The following ANKFN1 variants were observed in gnomAD, a reference collection of about 807,000 sequenced individuals.
The protein encoded by ANKFN1 is ankyrin repeat and fibronectin type III domain containing 1, also known as ankyrin repeat and fibronectin type-III domain-containing protein 1.
A neutral mutation model predicts 108.7 loss-of-function variants in ANKFN1; 74 were observed. That is an observed-to-expected ratio of 0.68 (90% CI 0.56 to 0.83). The LOEUF (loss-of-function observed/expected upper bound fraction) is 0.83. Among genes scored for constraint, ANKFN1 ranks in the 40% least tolerant of loss-of-function variants. The pLI is 0.00. For missense variants in ANKFN1, 1,505 were observed against 1,382.3 expected, an observed-to-expected ratio of 1.09 and a Z score of -1.41; for synonymous variants, 547 against 516.2, an observed-to-expected ratio of 1.06 and a Z score of -0.81.
intron 15 of ANKFN1, among the ~76,000 whole-genome samples, chr17:56,468,711 G>A (rs750830238): frequency 6.6e-6 from 1 of 152,100 alleles, no homozygotes; most frequent in Admixed American, 6.6e-5. Context: ...TACTTGCACC[G>A]GCCCAAACCA....
At chr17:56,216,972 G>C (rs1915469729) in intron 2 of ANKFN1, among the ~76,000 whole-genome samples, 1 of 152,196 alleles carries the variant, frequency 6.6e-6, no homozygotes, top group Non-Finnish European at 1.5e-5. Flanking sequence ...TAAAAAGAAA[G>C]AGAAGATGAC....
intron 18 of ANKFN1, among the ~76,000 whole-genome samples, chr17:56,487,464 G>C (rs2145400119): frequency 6.6e-6 from 1 of 152,074 alleles, no homozygotes; most frequent in African/African-American, 2.4e-5. Context: ...CCTATGACAA[G>C]GAAAGTTGGC....
At chr17:56,487,390 G>A (rs1024633151) in intron 18 of ANKFN1, among the ~76,000 whole-genome samples, 2 of 152,118 alleles carry the variant, frequency 1.3e-5, no homozygotes, top group African/African-American at 4.8e-5. Context: ...TTGAGGACTT[G>A]CCTAGCCTGC....
chr17:56,381,717 G>A (rs570923987), intron 8 of ANKFN1, among the ~76,000 whole-genome samples: 19 of 152,260 alleles, frequency 1.2e-4, no homozygotes, highest in East Asian at 1.2e-3. Context: ...GAAATGAAGC[G>A]AGAAGGGAAG....
At chr17:56,187,605 T>C (rs1912345477) in intron 1 of ANKFN1, among the ~76,000 whole-genome samples, 2 of 152,172 alleles carry the variant, frequency 1.3e-5, no homozygotes, top group Non-Finnish European at 2.9e-5. Context: ...CAAATGACTA[T>C]AAATCATGCT....
At chr17:56,238,350 G>C (rs1598287489) in intron 3 of ANKFN1, among the ~76,000 whole-genome samples, 2 of 152,150 alleles carry the variant, frequency 1.3e-5, no homozygotes, top group South Asian at 2.1e-4. Flanking sequence ...TCAATGATCT[G>C]TCCTCAAAAA....
intron 4 of ANKFN1, among the ~76,000 whole-genome samples, chr17:56,062,984 A>G (rs946771730): frequency 1.3e-5 from 2 of 152,158 alleles, no homozygotes; most frequent in African/African-American, 2.4e-5. Context: ...TTCGCTTATG[A>G]AGCTTAGTTT....
chr17:56,175,943 G>T (rs1343276007), intron 1 of ANKFN1, among the ~76,000 whole-genome samples: 1 of 151,754 alleles, frequency 6.6e-6, no homozygotes, highest in Admixed American at 6.6e-5. Flanking sequence ...GGGGGAGTTG[G>T]GGGTGGGAGG....
At chr17:56,370,342 T>C (rs1042929749) in intron 6 of ANKFN1, among the ~76,000 whole-genome samples, 7 of 151,976 alleles carry the variant, frequency 4.6e-5, no homozygotes, top group African/African-American at 1.7e-4. Flanking sequence ...AGCAGAAAAA[T>C]TGTCAGAAGG....
chr17:56,457,063 A>C, intron 12 of ANKFN1, 103 bp downstream of exon 12: 1 of 1,250,850 alleles, frequency 8.0e-7, no homozygotes, highest in Non-Finnish European at 1.1e-6. Context: ...GTTCAAAACA[A>C]TAAAATTCAC....
chr17:56,282,907 C>G (rs1203422509), intron 3 of ANKFN1, among the ~76,000 whole-genome samples: 2 of 152,074 alleles, frequency 1.3e-5, no homozygotes, highest in Non-Finnish European at 2.9e-5. Context: ...AAATCACATC[C>G]TTTTTTCCCC....
intron 4 of ANKFN1, among the ~76,000 whole-genome samples, chr17:56,053,355 A>G (rs559484022): frequency 1.3e-5 from 2 of 152,160 alleles, no homozygotes; most frequent in South Asian, 4.2e-4. Flanking sequence ...CCATGAGTTC[A>G]ACTGTTTTAA....
intron 4 of ANKFN1, among the ~76,000 whole-genome samples, chr17:56,350,173 C>T (rs1039833387): frequency 1.3e-5 from 2 of 152,248 alleles, no homozygotes; most frequent in East Asian, 3.9e-4. Context: ...AGGGATGGAC[C>T]TATGGGTACA....
intron 11 of ANKFN1, 35 bp from the exon 12 acceptor site, chr17:56,456,826 G>A: frequency 3.2e-6 from 5 of 1,572,796 alleles, no homozygotes; most frequent in Non-Finnish European, 4.4e-6. Context: ...TCTGCCCAGT[G>A]GAATTTATAC....
chr17:56,139,781 A>G (rs1438983585), intron 4 of ANKFN1, among the ~76,000 whole-genome samples: 2 of 152,160 alleles, frequency 1.3e-5, no homozygotes, highest in Non-Finnish European at 2.9e-5. Flanking sequence ...TTGCAGCATT[A>G]CACATTACTG....
At chr17:56,124,322 C>T (rs1036207315) in intron 4 of ANKFN1, among the ~76,000 whole-genome samples, 5 of 152,204 alleles carry the variant, frequency 3.3e-5, no homozygotes, top group African/African-American at 4.8e-5. Context: ...TGCTCAGTCA[C>T]GGAGCTGGTG....
intron 6 of ANKFN1, among the ~76,000 whole-genome samples, chr17:56,367,284 A>C (rs1054131148): frequency 6.6e-6 from 1 of 152,226 alleles, no homozygotes. Context: ...CCAGGCCCAA[A>C]TTTAGCAATT....
At chr17:56,307,874 T>C (rs2144412912) in intron 3 of ANKFN1, among the ~76,000 whole-genome samples, 1 of 152,298 alleles carries the variant, frequency 6.6e-6, no homozygotes, top group Admixed American at 6.5e-5. Flanking sequence ...GTGGCACATA[T>C]ACACCATGGA....
At chr17:56,346,470 G>T (rs1219165695) in intron 4 of ANKFN1, among the ~76,000 whole-genome samples, 1 of 151,854 alleles carries the variant, frequency 6.6e-6, no homozygotes, top group Non-Finnish European at 1.5e-5. Flanking sequence ...CTTTTACCAT[G>T]AATGTAAACT....
Sources: allele counts gnomAD v4.1 joint callset (sites outside exome capture counted in the v4.1 genomes callset), GRCh38; gene constraint gnomAD v4.1.1; transcripts MANE v1.5; gene names NCBI Gene and HGNC (gene_info 2026-07-23, HGNC 2026-07-21).